The following FRMPD4 variants were observed in gnomAD, a reference collection of about 807,000 sequenced individuals.
FRMPD4 encodes FERM and PDZ domain containing 4.
A neutral mutation model predicts 94.1 loss-of-function variants in FRMPD4; 22 were observed. The ratio of observed to expected loss-of-function variants is 0.23; its 90% CI spans 0.17 to 0.33. The LOEUF is 0.33. Among genes scored for constraint, FRMPD4 ranks in the 10% least tolerant of loss-of-function variants. The pLI is 1.00. For missense variants in FRMPD4, 1,111 were observed against 1,339.9 expected, an observed-to-expected ratio of 0.83 and a Z score of 2.67; for synonymous variants, 631 against 548.6, an observed-to-expected ratio of 1.15 and a Z score of -2.10.
At chrX:12,504,881 G>A (rs1360201684) in intron 2 of FRMPD4, among the ~76,000 whole-genome samples, 2 of 112,501 alleles carry the variant, frequency 1.8e-5, no homozygotes, top group African/African-American at 6.5e-5. Flanking sequence ...AAATCCCTGA[G>A]TTGCTCTCCT....
At chrX:12,393,919 T>C (rs2056509346) in intron 1 of FRMPD4, among the ~76,000 whole-genome samples, 1 of 111,752 alleles carries the variant, frequency 8.9e-6, no homozygotes. Flanking sequence ...CCTGTAGGCA[T>C]TCTGTAAAAC....
At chrX:12,003,546 C>T (rs1384478409) in intron 3 of FRMPD4, among the ~76,000 whole-genome samples, 1 of 111,754 alleles carries the variant, frequency 8.9e-6, no homozygotes, top group African/African-American at 3.3e-5. Context: ...GCTGGGATTA[C>T]AGGCATGCAC....
intron 2 of FRMPD4, among the ~76,000 whole-genome samples, chrX:11,870,286 C>T (rs2053748798): frequency 9.0e-6 from 1 of 111,679 alleles, no homozygotes; most frequent in Non-Finnish European, 1.9e-5. Flanking sequence ...TTTTACCCAC[C>T]CCTCACGTTT....
At chrX:12,225,118 C>A (rs1481207778) in intron 1 of FRMPD4, among the ~76,000 whole-genome samples, 1 of 111,924 alleles carries the variant, frequency 8.9e-6, no homozygotes, top group Admixed American at 9.5e-5. Flanking sequence ...AATATAAAAT[C>A]CCTATGACAG....
chrX:11,930,029 A>G (rs1249884258), intron 3 of FRMPD4, among the ~76,000 whole-genome samples: 2 of 97,312 alleles, frequency 2.1e-5, no homozygotes, highest in Non-Finnish European at 4.0e-5. Context: ...AATGGCGTGA[A>G]CCTGGGAGGT....
intron 1 of FRMPD4, among the ~76,000 whole-genome samples, chrX:12,183,487 AAAG>A (rs1171805821): frequency 4.5e-5 from 5 of 111,852 alleles, no homozygotes; most frequent in African/African-American, 1.6e-4. Context: ...TCACTAGAAA[AAAG>A]AAGTTTTGAA....
At chrX:12,420,338 T>A (rs1447044740) in intron 1 of FRMPD4, among the ~76,000 whole-genome samples, 1 of 112,277 alleles carries the variant, frequency 8.9e-6, no homozygotes, top group Non-Finnish European at 1.9e-5. Flanking sequence ...TTGTCTCTAC[T>A]AATGGCAGTA....
intron 1 of FRMPD4, among the ~76,000 whole-genome samples, chrX:12,269,003 G>A (rs1386681623): frequency 8.9e-6 from 1 of 111,993 alleles, no homozygotes; most frequent in Non-Finnish European, 1.9e-5. Context: ...ATATCTGGTT[G>A]GTTTGTCTCA....
At chrX:12,491,210 A>C (rs976279588) in intron 1 of FRMPD4, among the ~76,000 whole-genome samples, 4 of 111,851 alleles carry the variant, frequency 3.6e-5, no homozygotes, top group Non-Finnish European at 3.8e-5. Flanking sequence ...TAAGTATGAA[A>C]GTAATATATA....
At chrX:11,879,020 CAAT>C (rs753188878) in intron 3 of FRMPD4, among the ~76,000 whole-genome samples, 40 of 112,042 alleles carry the variant, frequency 3.6e-4, no homozygotes, top group Non-Finnish European at 6.4e-4. Context: ...TTTTTCATGT[CAAT>C]AATTACTTGG....
At chrX:12,384,831 G>A (rs1210586626) in intron 1 of FRMPD4, among the ~76,000 whole-genome samples, 2 of 112,243 alleles carry the variant, frequency 1.8e-5, no homozygotes, top group African/African-American at 3.2e-5. Context: ...CGTATATTGA[G>A]TACCACTCTA....
chrX:12,205,878 A>G (rs1569191184), intron 1 of FRMPD4, among the ~76,000 whole-genome samples: 5 of 112,401 alleles, frequency 4.4e-5, no homozygotes, highest in Non-Finnish European at 9.4e-5. Context: ...ATAGATTCAA[A>G]GAAGAAGACA....
intron 1 of FRMPD4, among the ~76,000 whole-genome samples, chrX:12,278,208 A>G (rs976259174): frequency 2.7e-5 from 3 of 111,720 alleles, no homozygotes; most frequent in Non-Finnish European, 5.6e-5. Context: ...TCTAAAAGTC[A>G]GTGTTTAATA....
chrX:11,974,613 A>T (rs1200235569), intron 3 of FRMPD4, among the ~76,000 whole-genome samples: 1 of 112,757 alleles, frequency 8.9e-6, no homozygotes, highest in South Asian at 3.7e-4. Context: ...AGAGGTATGA[A>T]AAAAGTAAAG....
chrX:12,649,738 G>A (rs186913439), intron 4 of FRMPD4, among the ~76,000 whole-genome samples: 7 of 112,592 alleles, frequency 6.2e-5, no homozygotes, highest in South Asian at 3.7e-4. Flanking sequence ...TACAGTAGAC[G>A]TGAAGTAAAT....
At chrX:12,421,094 C>G (rs2056877344) in intron 1 of FRMPD4, among the ~76,000 whole-genome samples, 1 of 111,909 alleles carries the variant, frequency 8.9e-6, no homozygotes, top group Non-Finnish European at 1.9e-5. Flanking sequence ...GAAAGACTAT[C>G]TGCGTCCTGA....
At chrX:12,417,533 T>G (rs1402719900) in intron 1 of FRMPD4, among the ~76,000 whole-genome samples, 1 of 95,660 alleles carries the variant, frequency 1.0e-5, no homozygotes. Flanking sequence ...GAGCCAAGAT[T>G]GCGCCATCAT....
intron 1 of FRMPD4, among the ~76,000 whole-genome samples, chrX:12,399,598 C>T (rs1354565422): frequency 1.8e-5 from 2 of 110,758 alleles, no homozygotes; most frequent in African/African-American, 3.3e-5. Flanking sequence ...TGTATTCTTA[C>T]AAAAAAGTAA....
intron 1 of FRMPD4, among the ~76,000 whole-genome samples, chrX:12,206,535 C>T (rs1047164582): frequency 8.9e-6 from 1 of 111,936 alleles, no homozygotes; most frequent in African/African-American, 3.3e-5. Flanking sequence ...ATTAGTAGCT[C>T]ATGGTTTGGA....
Sources: allele counts gnomAD v4.1 joint callset (sites outside exome capture counted in the v4.1 genomes callset), GRCh38; gene constraint gnomAD v4.1.1; transcripts MANE v1.5; gene names NCBI Gene and HGNC (gene_info 2026-07-23, HGNC 2026-07-21).